The following LRRK2 variants were observed in gnomAD, a reference collection of about 807,000 sequenced individuals.
LRRK2 encodes the protein leucine-rich repeat serine/threonine-protein kinase 2.
LRRK2 carries 203 observed loss-of-function variants against 302.6 expected under a neutral mutation model. The observed-to-expected ratio is 0.67, with a 90% CI of 0.60 to 0.75. The LOEUF (loss-of-function observed/expected upper bound fraction) is 0.75, where lower values mean the gene tolerates loss of function less well. Ranked by LOEUF, LRRK2 falls within the 30% of genes least tolerant of loss-of-function variation. The pLI, the probability that LRRK2 is intolerant of heterozygous loss-of-function variation, is 0.00. For synonymous variants in LRRK2, 1,066 were observed against 1,031.9 expected (o/e 1.03, Z -0.63); for missense variants, 2,830 against 2,951.0 (o/e 0.96, Z 0.95).
intron 14 of LRRK2, among the ~76,000 whole-genome samples, chr12:40,266,546 T>C (rs1255299072): frequency 6.6e-6 from 1 of 152,166 alleles, no homozygotes; most frequent in African/African-American, 2.4e-5. Context: ...ACTTTTACAC[T>C]GTTGGTGGGA....
At chr12:40,352,480 A>T (rs377076746) in intron 44 of LRRK2, among the ~76,000 whole-genome samples, 173 of 18,584 alleles carry the variant, frequency 9.3e-3, no homozygotes, top group Middle Eastern at 0.024. Context: ...TTTTTTTTTT[A>T]ATTGATCATT....
At chr12:40,285,501 CTTT>C (rs1289225759) in intron 19 of LRRK2, among the ~76,000 whole-genome samples, 1 of 151,898 alleles carries the variant, frequency 6.6e-6, no homozygotes, top group Admixed American at 6.6e-5. Flanking sequence ...AAATTGTCCT[CTTT>C]TGAGGACAAT....
Position 40,225,214 on chromosome 12 carries a change from A to C in LRRK2, c.83A>C (p.Glu28Ala). ...ATAGTCAGGCTGAACAATGTCCAGGAAGGAAAACAGATAGAAACGCTGGTC... is the reference window on the plus strand; with the variant it reads ...ATAGTCAGGCTGAACAATGTCCAGGCAGGAAAACAGATAGAAACGCTGGTC... ...KLIVRLNNVQ[E>A]GKQIETLVQI... The change falls in exon 1 of 51, where the codon GAA becomes GCA. Residue 28 changes from glutamate (E) to alanine (A), a missense_variant. By Grantham distance (107) the Glu-to-Ala change is moderately radical. Transcript: ENST00000298910. The C allele has an allele frequency of 6.2e-7, 1 of 1,614,212 alleles. No individual in the cohort carries two copies.
intron 41 of LRRK2, among the ~76,000 whole-genome samples, chr12:40,345,388 C>T (rs1385747119): frequency 6.6e-6 from 1 of 151,728 alleles, no homozygotes; most frequent in South Asian, 2.1e-4. Context: ...TTTGGGAGGC[C>T]GAGGTGGGTG....
chr12:40,311,835 T>C (rs1945046118), intron 31 of LRRK2, among the ~76,000 whole-genome samples: 1 of 152,176 alleles, frequency 6.6e-6, no homozygotes, highest in Non-Finnish European at 1.5e-5. Flanking sequence ...TAATGTCATG[T>C]AAAAATGACA....
chr12:40,359,031 T>C (rs1010283563), intron 46 of LRRK2, among the ~76,000 whole-genome samples: 17 of 152,124 alleles, frequency 1.1e-4, no homozygotes, highest in Admixed American at 1.0e-3. Flanking sequence ...GTTGTTGTTG[T>C]TGTATAGATA....
chr12:40,237,438 G>A (rs1941517097), intron 4 of LRRK2, among the ~76,000 whole-genome samples: 1 of 152,148 alleles, frequency 6.6e-6, no homozygotes, highest in Non-Finnish European at 1.5e-5. Context: ...AAGGAGTTTT[G>A]TTCAAAAGGA....
chr12:40,274,973 GT>G lies in LRRK2; in HGVS notation c.1923del (p.Ala642LeufsTer12). On this transcript the variant is annotated frameshift_variant, in exon 16 of 51. Transcript: ENST00000298910. LOFTEE classifies it high-confidence loss of function. ...LVSSLYRFKD[V>X]AEIQTKGFQT... ...TTCCAGCTTATACCGATTTAAGGAT[GT>G]TGCTGAAATACAGACTAAAGTATGT... The G allele has an allele frequency of 6.2e-7, 1 of 1,613,944 alleles. No individual in the cohort carries two copies. The highest frequency in any genetic ancestry group is 8.5e-7 in the Non-Finnish European group (1 of 1,179,904).
intron 14 of LRRK2, among the ~76,000 whole-genome samples, chr12:40,269,806 A>G (rs1394377682): frequency 6.6e-6 from 1 of 152,092 alleles, no homozygotes; most frequent in Non-Finnish European, 1.5e-5. Context: ...ATGTTGACAC[A>G]TTATGCACAC....
rs147723815 is a variant in LRRK2, at chr12:40,363,730, C to T, written c.7181+176C>T. Among the ~76,000 whole-genome samples the T allele has an allele frequency of 4.0e-3, 608 of 151,928 alleles. 6 individuals are homozygous for T. The highest frequency in any genetic ancestry group is 0.021 in the East Asian group (110 of 5,166). On this transcript the variant is annotated intron_variant, in intron 48 of 50. Coordinates refer to ENST00000298910, the MANE Select transcript of LRRK2 (RefSeq NM_198578.4). ...TTTCAGATCAAGAAAATTTTGTCTTCAGAACATAAAAGAATAGGCACATAA... is the reference window on the plus strand; with the variant it reads ...TTTCAGATCAAGAAAATTTTGTCTTTAGAACATAAAAGAATAGGCACATAA...
intron 14 of LRRK2, among the ~76,000 whole-genome samples, chr12:40,268,821 C>T (rs1309336037): frequency 6.6e-6 from 1 of 152,020 alleles, no homozygotes; most frequent in Non-Finnish European, 1.5e-5. Flanking sequence ...AAGGGTGGCT[C>T]AGGAAATAGA....
intron 26 of LRRK2, among the ~76,000 whole-genome samples, 159 bp downstream of exon 26, chr12:40,303,041 A>C (rs1944686988): frequency 1.3e-5 from 2 of 152,106 alleles, no homozygotes; most frequent in Admixed American, 6.6e-5. Context: ...AAAAGACCCA[A>C]CTCATTACTT....
chr12:40,225,281 C>A lies in LRRK2; in HGVS notation c.150C>A (p.Arg50=), dbSNP rs768862220. The A allele has an allele frequency of 1.9e-6, 3 of 1,613,976 alleles. No homozygotes were observed. Among genetic ancestry groups the A allele is most frequent in the Non-Finnish European group, 2.5e-6 (3 of 1,179,930 alleles). ...TGCTGGTGTTCACGTACTCCGAGCGCGGTAATCACTTGAAAATAAACTGTG... is the reference window on the plus strand; with the variant it reads ...TGCTGGTGTTCACGTACTCCGAGCGAGGTAATCACTTGAAAATAAACTGTG... ...EDLLVFTYSE[R]ASKLFQGKNI... is the part of the protein sequence containing the mutation. The change falls in exon 1 of 51, where the codon CGC becomes CGA. Residue 50 remains arginine (R), a splice_region_variant and synonymous_variant. Transcript: ENST00000298910.
At chr12:40,238,220 A>T in intron 5 of LRRK2, 117 bp downstream of exon 5, 1 of 1,051,234 alleles carries the variant, frequency 9.5e-7, no homozygotes, top group Non-Finnish European at 1.4e-6. Context: ...ATTTATTAAG[A>T]AGTGGGAGTT....
At chr12:40,225,906 A>G (rs1940852568) in intron 2 of LRRK2, among the ~76,000 whole-genome samples, 1 of 152,196 alleles carries the variant, frequency 6.6e-6, no homozygotes, top group South Asian at 2.1e-4. Flanking sequence ...GAGGATAAAA[A>G]TGGGTTCGGT....
intron 11 of LRRK2, among the ~76,000 whole-genome samples, chr12:40,256,821 T>G (rs1942536460): frequency 6.6e-6 from 1 of 152,258 alleles, no homozygotes; most frequent in Non-Finnish European, 1.5e-5. Flanking sequence ...GTGTCTAGCA[T>G]ATCTGGTTAG....
chr12:40,234,861 C>G (rs1231885737), intron 3 of LRRK2, among the ~76,000 whole-genome samples: 1 of 151,866 alleles, frequency 6.6e-6, no homozygotes, highest in Non-Finnish European at 1.5e-5. Flanking sequence ...TGGGTTTGCT[C>G]TCGATGTATA....
chr12:40,310,337 T>C, intron 30 of LRRK2, 94 bp from the exon 31 acceptor site: 1 of 1,178,550 alleles, frequency 8.5e-7, no homozygotes, highest in Non-Finnish European at 1.3e-6. Context: ...TCTTTTCCAT[T>C]CAAGTGAATG....
chr12:40,363,545 A>C lies in LRRK2; in HGVS notation c.7172A>C (p.His2391Pro). ...CTCTGTGGACTAATAGACTGCGTGC[A>C]CTTTTTAAGGTAAATTCTGTGGTTT... ...EKLCGLIDCVHFLREVMVKEN... is the reference protein window; with the variant it reads ...EKLCGLIDCVPFLREVMVKEN... Residue 2391 changes from histidine (H) to proline (P), a missense_variant, in exon 48 of 51, where the codon CAC becomes CCC. This residue lies in a region of LRRK2 where 456 missense variants were observed against 456.3 expected (regional missense o/e 1.00). Transcript: ENST00000298910. 6.2e-7 allele frequency: 1 copy of C among 1,611,514 alleles called. No homozygotes were observed. Among genetic ancestry groups the C allele is most frequent in the Non-Finnish European group, 8.5e-7 (1 of 1,178,310 alleles).
Sources: allele counts gnomAD v4.1 joint callset (sites outside exome capture counted in the v4.1 genomes callset), GRCh38; gene constraint gnomAD v4.1.1; regional missense constraint gnomAD v4.1.1; transcripts MANE v1.5; gene names NCBI Gene and HGNC (gene_info 2026-07-23, HGNC 2026-07-21).